The following RAP1GAP2 variants were observed in gnomAD, a reference collection of about 807,000 sequenced individuals.
The protein encoded by RAP1GAP2 is RAP1 GTPase activating protein 2.
A neutral mutation model predicts 95.0 loss-of-function variants in RAP1GAP2; 27 were observed. That is an observed-to-expected ratio of 0.28 (90% CI 0.21 to 0.39). RAP1GAP2 has a LOEUF of 0.39. Among genes scored for constraint, RAP1GAP2 ranks in the 10% least tolerant of loss-of-function variants. The pLI is 1.00. For synonymous variants in RAP1GAP2, 373 were observed against 380.9 expected (o/e 0.98, Z 0.24); for missense variants, 771 against 970.0 (o/e 0.79, Z 2.72).
Position 2,963,771 on chromosome 17 carries a change from G to T in RAP1GAP2, c.280-85G>T. 8.1e-7 allele frequency: 1 copy of T among 1,230,806 alleles called. No homozygotes were observed. The allele number at this position is 1,230,806 out of a possible 1,614,324, so 76.2% of individuals were successfully genotyped here. On this transcript the variant is annotated intron_variant, in intron 6 of 24. Transcript: ENST00000254695. This position sits in a 1 kb window ranked among gnomAD's most constrained non-coding sequence, Gnocchi z 4.8. ...CAGTGGGTACCAGGCCCCACTCCTG[G>T]GAGCAGCGCAGAGGGGACACCGCCA...
Position 2,932,120 on chromosome 17 carries a change from A to C in RAP1GAP2, c.166-25639A>C, listed in dbSNP as rs1014125966. 3.2e-4 allele frequency among the ~76,000 whole-genome samples: 49 copies of C among 152,310 alleles called. 1 individual carries two copies. The highest frequency in any genetic ancestry group is 3.4e-3 in the Middle Eastern group (1 of 294). ...GGTGGAGGAGGATGTTAACAGGAAGAGCCCAGATAATTGAAATTCTGGTTT... is the reference window on the plus strand; with the variant it reads ...GGTGGAGGAGGATGTTAACAGGAAGCGCCCAGATAATTGAAATTCTGGTTT... On this transcript the variant is annotated intron_variant, in intron 3 of 24. Transcript: ENST00000254695.
intron 3 of RAP1GAP2, among the ~76,000 whole-genome samples, chr17:2,943,968 T>G (rs2043605317): frequency 6.6e-6 from 1 of 151,836 alleles, no homozygotes; most frequent in East Asian, 1.9e-4. Flanking sequence ...GCCAACATGG[T>G]GAAACCAGTC....
rs1339428280 is a variant in RAP1GAP2 at position 2,902,918 on chromosome 17, C to T, written c.81-2366C>T. Among the ~76,000 whole-genome samples the T allele has an allele frequency of 6.6e-6, 1 of 152,148 alleles. No homozygotes were observed. The highest frequency in any genetic ancestry group is 1.5e-5 in the Non-Finnish European group (1 of 68,038). On this transcript the variant is annotated intron_variant, in intron 2 of 24. Transcript: ENST00000254695. The surrounding 1 kb of genome is among the most constrained non-coding windows in gnomAD (Gnocchi z 4.1). ...TGTGCCCTGGTGCCATGAGCGTGGACACCTTGTGCCTGATGGGGAAAAATA... is the reference window on the plus strand; with the variant it reads ...TGTGCCCTGGTGCCATGAGCGTGGATACCTTGTGCCTGATGGGGAAAAATA...
chr17:2,922,669 G>A (rs72819289), intron 3 of RAP1GAP2, among the ~76,000 whole-genome samples: 12,911 of 152,112 alleles, frequency 0.085, 734 homozygotes, highest in Middle Eastern at 0.17. Flanking sequence ...CTGCTGCCCC[G>A]GGACCTGGTA....
intron 2 of RAP1GAP2, among the ~76,000 whole-genome samples, chr17:2,881,634 A>G (rs902091370): frequency 3.3e-5 from 5 of 152,122 alleles, no homozygotes; most frequent in Admixed American, 3.3e-4. Context: ...TTGTTTGGAA[A>G]TGTTTTCTGG....
chr17:2,926,931 G>A (rs1432805289), intron 3 of RAP1GAP2, among the ~76,000 whole-genome samples: 18 of 149,016 alleles, frequency 1.2e-4, no homozygotes, highest in Non-Finnish European at 2.2e-4. Flanking sequence ...GCTTGAACCC[G>A]GGAGGCGGAG....
At chr17:2,821,259 A>G (rs1474939091) in intron 2 of RAP1GAP2, among the ~76,000 whole-genome samples, 1 of 152,164 alleles carries the variant, frequency 6.6e-6, no homozygotes, top group Non-Finnish European at 1.5e-5. Flanking sequence ...CCTGATTATA[A>G]AAATAGTACA....
intron 8 of RAP1GAP2, among the ~76,000 whole-genome samples, chr17:2,975,872 C>G (rs542348794): frequency 6.6e-6 from 1 of 152,230 alleles, no homozygotes; most frequent in South Asian, 2.1e-4. Flanking sequence ...CTCCGAACAC[C>G]TTACTCTGTT....
intron 3 of RAP1GAP2, among the ~76,000 whole-genome samples, chr17:2,919,397 C>T (rs1297658286): frequency 2.0e-5 from 3 of 152,294 alleles, no homozygotes; most frequent in South Asian, 2.1e-4. Flanking sequence ...TTGGATAATT[C>T]GGGGCTGGGA....
chr17:3,026,192 G>T, intron 20 of RAP1GAP2, 71 bp downstream of exon 20: 1 of 1,381,170 alleles, frequency 7.2e-7, no homozygotes, highest in East Asian at 2.4e-5. Context: ...CTGCCTCCTG[G>T]CCAGCTGAGA....
intron 2 of RAP1GAP2, among the ~76,000 whole-genome samples, chr17:2,848,259 G>A (rs2071672582): frequency 6.6e-6 from 1 of 152,130 alleles, no homozygotes; most frequent in Admixed American, 6.5e-5. Context: ...CAAAACCTGA[G>A]CCAGTTTAGA....
Position 3,018,137 on chromosome 17 carries a change from C to T in RAP1GAP2, c.1571C>T (p.Pro524Leu), listed in dbSNP as rs1334747410. ...GQKKSHSGGI[P>L]GSLSGGISHN... The stretch of plus-strand genomic sequence containing the variant: ...AAGAAGTCGCACAGTGGGGGCATCC[C>T]TGGCAGCCTCAGCGGGGGCATCTCC... Residue 524 changes from proline to leucine, a missense_variant, in exon 18 of 25, where the codon CCT becomes CTT. Coordinates refer to ENST00000254695, the MANE Select transcript of RAP1GAP2 (RefSeq NM_015085.5). 1.3e-6 allele frequency: 2 copies of T among 1,585,106 alleles called. No individual in the cohort carries two copies. The highest frequency in any genetic ancestry group is 2.7e-5 in the African/African-American group (2 of 74,010).
intron 2 of RAP1GAP2, among the ~76,000 whole-genome samples, chr17:2,892,445 C>T (rs1048790795): frequency 5.3e-5 from 8 of 152,114 alleles, no homozygotes; most frequent in Admixed American, 5.2e-4. Flanking sequence ...GTCTGGGGAC[C>T]TCATCTTGGG....
chr17:2,895,958 C>T lies in RAP1GAP2; in HGVS notation c.81-9326C>T, dbSNP rs572870020. Among the ~76,000 whole-genome samples, 21 of 152,162 alleles carry T rather than the reference C, an allele frequency of 1.4e-4. No individual in the cohort carries two copies. The East Asian group carries it at 2.1e-3, about 15-fold the overall frequency. On this transcript the variant is annotated intron_variant, in intron 2 of 24. Transcript: ENST00000254695. The stretch of plus-strand genomic sequence containing the variant: ...GGCATTGCGACACTGGTGGTCTCTC[C>T]GTCATGCTGGTCACGTTCCTCTGCG...
In RAP1GAP2 at chr17:2,830,441, T is replaced by C. The variant is rs1048624740; in HGVS notation, c.80+29891T>C. The stretch of plus-strand genomic sequence containing the variant: ...CAAAAAATTAAAAAAGATGGCCGGG[T>C]GTGGTGGCTCACGCCTGTAATCCCA... On this transcript the variant is annotated intron_variant, in intron 2 of 24. Transcript: ENST00000254695. Among the ~76,000 whole-genome samples, 7 of 140,754 alleles carry C rather than the reference T, an allele frequency of 5.0e-5. No individual in the cohort carries two copies. In the South Asian group the frequency reaches 6.8e-4, roughly 14 times the overall value. The allele number at this position is 140,754 out of a possible 152,430, so 92.3% of individuals were successfully genotyped here. A position where few individuals can be genotyped will look rare whatever the true frequency, so the allele number is the denominator to read the frequency against.
rs1175439901 is a variant in RAP1GAP2 at position 2,816,688 on chromosome 17, C to T, written c.80+16138C>T. 1.5e-4 allele frequency among the ~76,000 whole-genome samples: 19 copies of T among 124,628 alleles called. 7 individuals carry two copies. The highest frequency in any genetic ancestry group is 3.8e-4 in the Admixed American group (5 of 13,086). 81.8% of individuals were successfully genotyped at this position (124,628 alleles called of 152,430 possible). On this transcript the variant is annotated intron_variant, in intron 2 of 24. Transcript: ENST00000254695. ...TTACCATTTAAAGCATTTTTAAGTG[C>T]ACCATTCTGTGACATTAAGTACATT... is the stretch of plus-strand genomic sequence containing the variant.
Position 3,027,193 on chromosome 17 carries a change from C to T in RAP1GAP2, c.2107+123C>T. 8.0e-7 allele frequency: 1 copy of T among 1,246,556 alleles called. No individual in the cohort carries two copies. Among genetic ancestry groups the T allele is most frequent in the East Asian group, 2.7e-5 (1 of 36,584 alleles). The allele number at this position is 1,246,556 out of a possible 1,614,324, so 77.2% of individuals were successfully genotyped here. On this transcript the variant is annotated intron_variant, in intron 22 of 24. Transcript: ENST00000254695. This position sits in a 1 kb window ranked among gnomAD's most constrained non-coding sequence, Gnocchi z 5.2. ...TTCACCCCTCCTCCCAGCTGTGAGG[C>T]CCTCCGCTCTGTGCGCCCGCCTCTT...
At chr17:2,953,847 C>T (rs73296635) in intron 3 of RAP1GAP2, among the ~76,000 whole-genome samples, 1,756 of 152,126 alleles carry the variant, frequency 0.012, 30 homozygotes, top group African/African-American at 0.04. Context: ...AACTCCATTT[C>T]AAAAAATAAA....
At chr17:2,811,118 TC>T (rs966265654) in intron 2 of RAP1GAP2, among the ~76,000 whole-genome samples, 6 of 152,158 alleles carry the variant, frequency 3.9e-5, no homozygotes, top group African/African-American at 1.4e-4. Flanking sequence ...GGCTGCTTTT[TC>T]ACCCTGAGTC....
Sources: allele counts gnomAD v4.1 joint callset (sites outside exome capture counted in the v4.1 genomes callset), GRCh38; gene constraint gnomAD v4.1.1; non-coding constraint Gnocchi (gnomAD v3.1); transcripts MANE v1.5; gene names NCBI Gene and HGNC (gene_info 2026-07-23, HGNC 2026-07-21).